RTL9: variants seen among roughly 807,000 people sequenced by gnomAD.
RTL9 encodes retrotransposon Gag-like protein 9.
RTL9 carries 19 observed loss-of-function variants against 44.7 expected under a neutral mutation model. The observed-to-expected ratio is 0.42, with a 90% CI of 0.30 to 0.62. The LOEUF is 0.62. RTL9 is among the 20% of genes least tolerant of loss of function. RTL9 has a pLI of 0.16. For synonymous variants in RTL9, 407 were observed against 398.9 expected, an observed-to-expected ratio of 1.02 and a Z score of -0.24; for missense variants, 1,105 against 1,080.6, an observed-to-expected ratio of 1.02 and a Z score of -0.32.
At chrX:110,438,331 A>G (rs1294632420) in intron 1 of RTL9, among the ~76,000 whole-genome samples, 1 of 111,826 alleles carries the variant, frequency 8.9e-6, no homozygotes, top group Non-Finnish European at 1.9e-5. Context: ...TGGAAAGGCC[A>G]ATGGAACATT....
At chrX:110,362,637 T>A (rs1188253035) in intron 1 of RTL9, among the ~76,000 whole-genome samples, 1 of 112,109 alleles carries the variant, frequency 8.9e-6, no homozygotes, top group African/African-American at 3.2e-5. Flanking sequence ...CATGTACTCC[T>A]AATGGTAAGA....
intron 1 of RTL9, among the ~76,000 whole-genome samples, chrX:110,398,003 A>C (rs929267719): frequency 8.9e-6 from 1 of 112,479 alleles, no homozygotes; most frequent in Non-Finnish European, 1.9e-5. Flanking sequence ...TGCAAGTCTT[A>C]GCATCCAGAT....
exon 2 of RTL9, chrX:110,455,371 G>A (rs1249429118): frequency 1.2e-5 from 14 of 1,189,468 alleles, no homozygotes; most frequent in African/African-American, 1.8e-5. Context: ...GCTAACTGGA[G>A]GACTGGTTCC....
At chrX:110,422,581 G>T (rs1180474215) in intron 1 of RTL9, among the ~76,000 whole-genome samples, 2 of 112,567 alleles carry the variant, frequency 1.8e-5, no homozygotes, top group African/African-American at 6.5e-5. Flanking sequence ...ACACAAAGTG[G>T]TTTTCACATC....
At chrX:110,359,325 G>A (rs1449920167) in intron 1 of RTL9, among the ~76,000 whole-genome samples, 1 of 111,132 alleles carries the variant, frequency 9.0e-6, no homozygotes, top group Admixed American at 9.6e-5. Flanking sequence ...ACCCTCTAAT[G>A]TTTTCTGCAG....
At chrX:110,380,620 C>T (rs751246174) in intron 1 of RTL9, among the ~76,000 whole-genome samples, 5 of 112,203 alleles carry the variant, frequency 4.5e-5, no homozygotes, top group East Asian at 2.8e-4. Flanking sequence ...GAATTTAAAA[C>T]GAGCCCAAAT....
intron 1 of RTL9, among the ~76,000 whole-genome samples, chrX:110,421,727 C>T (rs2068718843): frequency 8.9e-6 from 1 of 112,679 alleles, no homozygotes; most frequent in South Asian, 3.7e-4. Context: ...AGTTTTATGG[C>T]ATAAGGCCAT....
chrX:110,435,247 A>C (rs762323989), intron 1 of RTL9, among the ~76,000 whole-genome samples: 1 of 111,607 alleles, frequency 9.0e-6, no homozygotes, highest in South Asian at 3.8e-4. Flanking sequence ...AGGACAGGAC[A>C]GTCACTTCAG....
In RTL9 at chrX:110,452,127, G is replaced by A. The variant is rs34877837; in HGVS notation, c.1510G>A (p.Ala504Thr). ...AAAGATGTCCACGCCACTGAGGAGA[G>A]CTCCAACTTCTGGAGCAATGTCCAC... is the stretch of plus-strand genomic sequence containing the variant. The change falls in exon 1 of 2, where the codon GCT becomes ACT. Residue 504 changes from alanine (A) to threonine (T), a missense_variant. Transcript: ENST00000540313. The A allele has an allele frequency of 2.5e-3, 3,069 of 1,210,355 alleles. 42 individuals are homozygous for A. In the African/African-American group the frequency reaches 0.048, roughly 19 times the overall value.
At chrX:110,428,612 C>T (rs2068771754) in intron 1 of RTL9, among the ~76,000 whole-genome samples, 1 of 111,234 alleles carries the variant, frequency 9.0e-6, no homozygotes, top group African/African-American at 3.3e-5. Flanking sequence ...CCCCCCTCTC[C>T]AAGATGTGGC....
chrX:110,402,130 G>T (rs907779624), intron 1 of RTL9, among the ~76,000 whole-genome samples: 2 of 112,553 alleles, frequency 1.8e-5, no homozygotes, highest in East Asian at 2.8e-4. Flanking sequence ...TGCATGACCT[G>T]ATTTGAATCG....
At chrX:110,451,908 G>A (rs2068944380) in exon 1 of RTL9, 1 of 1,210,357 alleles carries the variant, frequency 8.3e-7, no homozygotes, top group African/African-American at 1.7e-5. Context: ...GCAAAAGACA[G>A]TTCCAGCCTC....
At chrX:110,450,650 C>T (rs2068933349) in exon 1 of RTL9, 1 of 1,210,980 alleles carries the variant, frequency 8.3e-7, no homozygotes, top group Non-Finnish European at 1.1e-6. Flanking sequence ...TGCGATTCAA[C>T]AATACAATGA....
intron 1 of RTL9, among the ~76,000 whole-genome samples, chrX:110,419,323 T>G (rs2068701244): frequency 8.9e-6 from 1 of 112,553 alleles, no homozygotes; most frequent in Non-Finnish European, 1.9e-5. Context: ...CTGCCCTTCC[T>G]CTTGCTTTTG....
At chrX:110,379,314 G>GA (rs1341710959) in intron 1 of RTL9, among the ~76,000 whole-genome samples, 2 of 111,712 alleles carry the variant, frequency 1.8e-5, no homozygotes, top group African/African-American at 3.2e-5. Flanking sequence ...AGAGAAAAAT[G>GA]AAAAAAATAT....
chrX:110,424,724 G>T (rs1276705899), intron 1 of RTL9, among the ~76,000 whole-genome samples: 1 of 111,842 alleles, frequency 8.9e-6, no homozygotes, highest in Non-Finnish European at 1.9e-5. Context: ...ATCAGAGTAT[G>T]TGTAAATGGG....
intron 1 of RTL9, among the ~76,000 whole-genome samples, chrX:110,432,649 G>A (rs953268349): frequency 1.8e-5 from 2 of 112,004 alleles, no homozygotes; most frequent in Non-Finnish European, 1.9e-5. Context: ...TGAGGATCCC[G>A]AAAGACAGAG....
At chrX:110,378,008 C>CAAAAA (rs755483656) in intron 1 of RTL9, among the ~76,000 whole-genome samples, 859 of 30,907 alleles carry the variant, frequency 0.028, 22 homozygotes, top group Non-Finnish European at 0.034. Context: ...GACTCCGTCT[C>CAAAAA]AAAAAAAAAA....
chrX:110,438,942 G>A (rs1459679113), intron 1 of RTL9, among the ~76,000 whole-genome samples: 1 of 112,242 alleles, frequency 8.9e-6, no homozygotes, highest in Non-Finnish European at 1.9e-5. Flanking sequence ...AAAGTTCAGA[G>A]AAGAGCACAG....
Sources: allele counts gnomAD v4.1 joint callset (sites outside exome capture counted in the v4.1 genomes callset), GRCh38; gene constraint gnomAD v4.1.1; transcripts MANE v1.5; gene names NCBI Gene and HGNC (gene_info 2026-07-23, HGNC 2026-07-21).